The following TPP2 variants were observed in gnomAD, a reference collection of about 807,000 sequenced individuals.
TPP2 encodes the protein tripeptidyl peptidase 2.
Under a neutral mutation model 155.9 loss-of-function variants are expected in TPP2, and 34 were observed. The observed-to-expected ratio is 0.22, with a 90% CI of 0.17 to 0.29. The LOEUF (loss-of-function observed/expected upper bound fraction) is 0.29. Ranked by LOEUF, TPP2 falls within the 10% of genes least tolerant of loss-of-function variation. The pLI, the probability that TPP2 is intolerant of heterozygous loss-of-function variation, is 1.00. For missense variants in TPP2, 1,028 were observed against 1,522.3 expected (o/e 0.68, Z 5.40); for synonymous variants, 510 against 529.4 (o/e 0.96, Z 0.50).
intron 1 of TPP2, among the ~76,000 whole-genome samples, 176 bp from the exon 2 acceptor site, chr13:102,604,617 C>G (rs1879678253): frequency 6.6e-6 from 1 of 152,038 alleles, no homozygotes; most frequent in Admixed American, 6.5e-5. Flanking sequence ...GTAGTGTTTC[C>G]ACGATTAAAT....
intron 27 of TPP2, among the ~76,000 whole-genome samples, chr13:102,669,288 G>A (rs1274559401): frequency 6.6e-6 from 1 of 152,066 alleles, no homozygotes; most frequent in East Asian, 1.9e-4. Flanking sequence ...AGGGTGGATT[G>A]GACACGTTCT....
chr13:102,626,974 GA>G, intron 6 of TPP2, 37 bp from the exon 7 acceptor site: 1 of 1,467,840 alleles, frequency 6.8e-7, no homozygotes, highest in Non-Finnish European at 9.0e-7. Context: ...TTCAGTCCAT[GA>G]GAATGTTTTG....
chr13:102,615,978 A>C (rs949041910), intron 3 of TPP2, among the ~76,000 whole-genome samples: 1 of 149,274 alleles, frequency 6.7e-6, no homozygotes, highest in Non-Finnish European at 1.5e-5. Flanking sequence ...TCTCTTTGAG[A>C]CAGAGTCTTA....
chr13:102,612,273 C>G (rs1171048235), intron 2 of TPP2, among the ~76,000 whole-genome samples: 1 of 152,174 alleles, frequency 6.6e-6, no homozygotes, highest in Non-Finnish European at 1.5e-5. Context: ...GCAAAAGCCT[C>G]TAAGAGGGCT....
At chr13:102,627,507 C>G (rs1252963406) in intron 7 of TPP2, among the ~76,000 whole-genome samples, 3 of 151,970 alleles carry the variant, frequency 2.0e-5, no homozygotes, top group Non-Finnish European at 2.9e-5. Context: ...ACATTCTGTA[C>G]GTCATTTTAA....
intron 6 of TPP2, 64 bp from the exon 7 acceptor site, chr13:102,626,948 T>A (rs1403134600): frequency 7.1e-7 from 1 of 1,408,706 alleles, no homozygotes; most frequent in Non-Finnish European, 9.4e-7. Context: ...AATATGCAAA[T>A]TGAATTGAAT....
At chr13:102,651,243 T>G in intron 23 of TPP2, 116 bp from the exon 24 acceptor site, 1 of 1,132,822 alleles carries the variant, frequency 8.8e-7, no homozygotes, top group Non-Finnish European at 1.2e-6. Flanking sequence ...GACCTGAGCC[T>G]TCTAAGTGGT....
At chr13:102,667,699 G>C (rs766495884) in intron 27 of TPP2, 6 of 943,666 alleles carry the variant, frequency 6.4e-6, no homozygotes, top group Non-Finnish European at 6.3e-6. Context: ...AATAGAAAGG[G>C]ATCTTACAGC....
chr13:102,604,197 C>T (rs1390131331), intron 1 of TPP2, among the ~76,000 whole-genome samples: 1 of 149,348 alleles, frequency 6.7e-6, no homozygotes, highest in African/African-American at 2.5e-5. Flanking sequence ...GGTACCATTA[C>T]TACTAAACAT....
At chr13:102,647,725 G>T (rs553311398) in intron 21 of TPP2, among the ~76,000 whole-genome samples, 1 of 152,296 alleles carries the variant, frequency 6.6e-6, no homozygotes, top group African/African-American at 2.4e-5. Context: ...GGGCTAAAGA[G>T]AGCACTGCAG....
chr13:102,630,427 C>T (rs547115371), intron 10 of TPP2, among the ~76,000 whole-genome samples: 3 of 152,122 alleles, frequency 2.0e-5, no homozygotes, highest in Admixed American at 2.0e-4. Context: ...ATTCTTATTC[C>T]TATATCCATA....
intron 2 of TPP2, 93 bp downstream of exon 2, chr13:102,605,014 G>A (rs1879713947): frequency 6.5e-7 from 1 of 1,539,364 alleles, no homozygotes; most frequent in Admixed American, 2.0e-5. Context: ...GGTGGTATTA[G>A]TTATCCATTG....
chr13:102,658,290 G>A (rs1883986161), intron 25 of TPP2, among the ~76,000 whole-genome samples: 1 of 152,186 alleles, frequency 6.6e-6, no homozygotes, highest in South Asian at 2.1e-4. Flanking sequence ...TCATCATGAT[G>A]TGAAAATATT....
chr13:102,616,914 T>C (rs1880777122), intron 4 of TPP2, among the ~76,000 whole-genome samples: 1 of 149,622 alleles, frequency 6.7e-6, no homozygotes, highest in Non-Finnish European at 1.5e-5. Flanking sequence ...GTTTTTTGTT[T>C]TTTGTTTTTT....
intron 29 of TPP2, 43 bp from the exon 30 acceptor site, chr13:102,678,184 T>C (rs990185919): frequency 6.5e-6 from 10 of 1,548,046 alleles, no homozygotes; most frequent in African/African-American, 2.8e-5. Context: ...CTTAAAAATC[T>C]GTCACTTCCT....
rs547211598 is a variant in TPP2, at chr13:102,630,143, C to T, written c.1192C>T (p.Leu398=). 3.1e-6 allele frequency: 5 copies of T among 1,613,496 alleles called. No individual in the cohort carries two copies. The highest frequency in any genetic ancestry group is 1.3e-5 in the African/African-American group (1 of 74,882). ...SPDMMVAEYS[L]REKLPANQYT... is the part of the protein sequence containing the mutation. ...TGATATGATGGTTGCTGAGTATTCACTGAGAGAGAAATTACCTGCAAATCA... is the reference window on the plus strand; with the variant it reads ...TGATATGATGGTTGCTGAGTATTCATTGAGAGAGAAATTACCTGCAAATCA... Residue 398 remains leucine, a synonymous_variant, in exon 10 of 30, where the codon CTG becomes TTG. Coordinates refer to ENST00000376052, the MANE Select transcript of TPP2 (RefSeq NM_001330588.2).
At chr13:102,662,869 C>T (rs910317713) in intron 25 of TPP2, among the ~76,000 whole-genome samples, 1 of 152,006 alleles carries the variant, frequency 6.6e-6, no homozygotes, top group South Asian at 2.1e-4. Context: ...CGTCGGGGAA[C>T]ATAGAATAAC....
chr13:102,673,416 G>A (rs903426704), intron 27 of TPP2, among the ~76,000 whole-genome samples: 9 of 152,116 alleles, frequency 5.9e-5, no homozygotes, highest in Admixed American at 1.3e-4. Flanking sequence ...TTGTTTTCAC[G>A]TGTATCTGAC....
intron 1 of TPP2, among the ~76,000 whole-genome samples, chr13:102,599,517 G>T (rs919210067): frequency 2.0e-5 from 3 of 152,202 alleles, no homozygotes; most frequent in Non-Finnish European, 4.4e-5. Flanking sequence ...TGAACTGGCA[G>T]TTTGGAAAGC....
Sources: gnomAD v4.1 joint callset for allele counts (sites outside exome capture counted in the v4.1 genomes callset) on GRCh38, gnomAD v4.1.1 for gene constraint, MANE v1.5 for transcripts, NCBI Gene and HGNC (gene_info 2026-07-23, HGNC 2026-07-21) for gene names.